SOX7: variants seen among roughly 807,000 people sequenced by gnomAD.
SOX7 encodes transcription factor SOX-7.
Under a neutral mutation model 24.9 loss-of-function variants are expected in SOX7, and 19 were observed. The ratio of observed to expected loss-of-function variants is 0.76; its 90% confidence interval spans 0.53 to 1.12. The LOEUF (loss-of-function observed/expected upper bound fraction) is 1.12. Among genes scored for constraint, SOX7 ranks in the 50% most tolerant of loss-of-function variants. SOX7 has a pLI of 0.00. For synonymous variants in SOX7, 327 were observed against 244.5 expected (o/e 1.34, Z -3.15); for missense variants, 702 against 535.0 (o/e 1.31, Z -3.08).
Position 10,730,355 on chromosome 8 carries a change from G to C in SOX7, c.79C>G (p.Gln27Glu). 2 of 1,566,658 alleles carry C rather than the reference G, an allele frequency of 1.3e-6. No homozygotes were observed. Among genetic ancestry groups the C allele is most frequent in the Non-Finnish European group, 1.7e-6 (2 of 1,160,534 alleles). Residue 27 changes from glutamine to glutamate, a missense_variant, in exon 1 of 2, where the codon CAA (glutamine) becomes GAA (glutamate). Physicochemically the swap from Gln to Glu is conservative, Grantham distance 29. Coordinates refer to ENST00000304501, the MANE Select transcript of SOX7 (RefSeq NM_031439.4). This position sits in a 1 kb window ranked among gnomAD's most constrained non-coding sequence, Gnocchi z 4.8. The stretch of plus-strand genomic sequence containing the variant: ...GGCCGGGGGACGGCCGGCGGCGATT[G>C]TCCATCCGACAGCTCGGCGTCCAGG... ...PALDAELSDG[Q>E]SPPAVPRPPG...
chr8:10,729,240 G>A lies in SOX7; in HGVS notation c.238+956C>T, dbSNP rs368147405. ...CTGAACTCCGACGAAAAAAGGAAGG[G>A]CTCTGTTCCGGACCGGGTGGGGTTT... is the stretch of plus-strand genomic sequence containing the variant. On this transcript the variant is annotated intron_variant, in intron 1 of 1. Transcript: ENST00000304501. 9 of 152,360 alleles carry A rather than the reference G, an allele frequency of 5.9e-5. No individual in the cohort carries two copies. In the East Asian group the frequency reaches 1.4e-3, roughly 23 times the overall value. The allele number at this position is 152,360 out of a possible 1,614,324, so 9.4% of individuals were successfully genotyped here. A position where few individuals can be genotyped will look rare whatever the true frequency, so the allele number is the denominator to read the frequency against.
rs779568475 is a variant in SOX7 at position 10,726,144 on chromosome 8, C to T, written c.761G>A (p.Ser254Asn). 7.5e-6 allele frequency: 12 copies of T among 1,592,702 alleles called. No homozygotes were observed. The highest frequency in any genetic ancestry group is 1.7e-5 in the Admixed American group (1 of 58,266). Residue 254 changes from serine to asparagine, a missense_variant, in exon 2 of 2, where the codon AGC becomes AAC. Physicochemically the swap from Ser to Asn is conservative, Grantham distance 46 (BLOSUM62 1). Transcript: ENST00000304501. Reference sequence around the variant, plus strand: ...AAGGGCCAGGGAGCCCAGGGGGTGGCTACAGTGGAGAGGGCTTGGGGCGTA... The same window carrying T: ...AAGGGCCAGGGAGCCCAGGGGGTGGTTACAGTGGAGAGGGCTTGGGGCGTA... ...PEYAPSPLHC[S>N]HPLGSLALGQ... is the part of the protein sequence containing the mutation.
Position 10,725,848 on chromosome 8 carries a change from C to G in SOX7, c.1057G>C (p.Gly353Arg), listed in dbSNP as rs779911952. Reference protein sequence around the residue: ...DSATGAMALSGHVPVSQVTPT... With the variant: ...DSATGAMALSRHVPVSQVTPT... ...GTCACCTGGGAGACCGGAACATGCC[C>G]ACTGAGGGCCATGGCCCCTGTGGCG... Residue 353 changes from glycine to arginine, a missense_variant, in exon 2 of 2, where the codon GGG becomes CGG. Physicochemically the swap from Gly to Arg is moderately radical, Grantham distance 125. Coordinates refer to ENST00000304501, the MANE Select transcript of SOX7 (RefSeq NM_031439.4). 1 of 1,614,222 alleles carries G rather than the reference C, an allele frequency of 6.2e-7. No homozygotes were observed. Among genetic ancestry groups the G allele is most frequent in the Non-Finnish European group, 8.5e-7 (1 of 1,180,044 alleles).
Position 10,725,179 on chromosome 8 carries a change from A to C in SOX7, c.*559T>G, listed in dbSNP as rs938305303. ...CTGGTTAATTTCTCAAATCAGGTTG[A>C]CTGTTTTTTCTCAAATTGTATGAGT... On this transcript the variant is annotated 3_prime_UTR_variant, in exon 2 of 2. Transcript: ENST00000304501. 6.5e-6 allele frequency: 1 copy of C among 154,338 alleles called. No individual in the cohort carries two copies. Among genetic ancestry groups the C allele is most frequent in the African/African-American group, 2.4e-5 (1 of 41,460 alleles). The allele number at this position is 154,338 out of a possible 1,614,324, so 9.6% of individuals were successfully genotyped here.
intron 1 of SOX7, among the ~76,000 whole-genome samples, chr8:10,727,913 T>C (rs1483249562): frequency 6.6e-6 from 1 of 152,212 alleles, no homozygotes; most frequent in East Asian, 1.9e-4. Context: ...AGTGCCTCCG[T>C]TGACTGGCTC....
At chr8:10,727,634 A>G (rs7005905) in intron 1 of SOX7, among the ~76,000 whole-genome samples, 96,390 of 152,068 alleles carry the variant, frequency 0.63, 31,399 homozygotes, top group African/African-American at 0.77. Context: ...AAGTTCCCGG[A>G]GCATCTTCCC....
chr8:10,729,054 G>T (rs1017828494), intron 1 of SOX7, among the ~76,000 whole-genome samples: 1 of 152,244 alleles, frequency 6.6e-6, no homozygotes, highest in Non-Finnish European at 1.5e-5. Flanking sequence ...CCACCAGGCT[G>T]GGCCCTTGGC....
rs773958206 is a variant in SOX7, at chr8:10,726,382, G to A, written c.523C>T (p.Arg175Trp). 1.9e-6 allele frequency: 3 copies of A among 1,612,462 alleles called. No homozygotes were observed. Among genetic ancestry groups the A allele is most frequent in the African/African-American group, 1.3e-5 (1 of 75,004 alleles). The change falls in exon 2 of 2, where the codon CGG (arginine) becomes TGG (tryptophan). Residue 175 changes from arginine to tryptophan, a missense_variant. Transcript: ENST00000304501. Reference sequence around the variant, plus strand: ...GCCGGCCCCTCGTGGTAGCAGCCCCGGAGGCTGGGCAGGGCAGTGCCGGGG... The same window carrying A: ...GCCGGCCCCTCGTGGTAGCAGCCCCAGAGGCTGGGCAGGGCAGTGCCGGGG... The part of the protein sequence containing the change: ...YSPGTALPSL[R>W]GCYHEGPAGG...
intron 1 of SOX7, among the ~76,000 whole-genome samples, chr8:10,728,209 A>T (rs1438182966): frequency 1.3e-5 from 2 of 152,192 alleles, no homozygotes; most frequent in Non-Finnish European, 1.5e-5. Context: ...ATGTACCTGG[A>T]TGTTATATAA....
In SOX7 at chr8:10,725,825, C is replaced by T; in HGVS notation, c.1080G>A (p.Val360=). ...ALSGHVPVSQ[V]TPTGPTETSL... The stretch of plus-strand genomic sequence containing the variant: ...TGGTCTCTGTGGGACCCGTTGGTGT[C>T]ACCTGGGAGACCGGAACATGCCCAC... The change falls in exon 2 of 2, where the codon GTG becomes GTA. Residue 360 remains valine (V), a synonymous_variant. Transcript: ENST00000304501. The T allele has an allele frequency of 6.2e-7, 1 of 1,614,204 alleles. No homozygotes were observed. The highest frequency in any genetic ancestry group is 8.5e-7 in the Non-Finnish European group (1 of 1,180,026).
intron 1 of SOX7, among the ~76,000 whole-genome samples, chr8:10,729,894 C>G (rs895587088): frequency 1.3e-5 from 2 of 152,100 alleles, no homozygotes; most frequent in African/African-American, 4.8e-5. Context: ...GGCGTCCTGG[C>G]CTGGCCGCTG....
Position 10,725,699 on chromosome 8 carries a change from A to G in SOX7, c.*39T>C. On this transcript the variant is annotated 3_prime_UTR_variant, in exon 2 of 2. Coordinates refer to ENST00000304501, the MANE Select transcript of SOX7 (RefSeq NM_031439.4). ...CTCTGCCACTCAAGGCACAAGAAGG[A>G]GAGGGCGCGAGGGCTGACCGGACGG... 2 of 1,609,040 alleles carry G rather than the reference A, an allele frequency of 1.2e-6. No homozygotes were observed. Among genetic ancestry groups the G allele is most frequent in the Non-Finnish European group, 1.7e-6 (2 of 1,176,414 alleles).
At position 10,726,374 on chromosome 8, in the gene SOX7, G is replaced by A. The variant is rs1388092448; in HGVS notation, c.531C>T (p.Cys177=). The A allele has an allele frequency of 2.5e-6, 4 of 1,612,672 alleles. No individual in the cohort carries two copies. The highest frequency in any genetic ancestry group is 3.4e-6 in the Non-Finnish European group (4 of 1,179,488). The change falls in exon 2 of 2, where the codon TGC becomes TGT. Residue 177 remains cysteine, a synonymous_variant. Coordinates refer to ENST00000304501, the MANE Select transcript of SOX7 (RefSeq NM_031439.4). ...PGTALPSLRG[C]YHEGPAGGGG... is the part of the protein sequence containing the mutation. ...CACCACCAGCCGGCCCCTCGTGGTA[G>A]CAGCCCCGGAGGCTGGGCAGGGCAG...
In SOX7 at chr8:10,730,499, G is replaced by C; in HGVS notation, c.-66C>G. The C allele has an allele frequency of 1.7e-6, 2 of 1,201,048 alleles. No homozygotes were observed. Among genetic ancestry groups the C allele is most frequent in the Non-Finnish European group, 1.1e-6 (1 of 920,426 alleles). 74.4% of individuals were successfully genotyped at this position (1,201,048 alleles called of 1,614,324 possible). A position where few individuals can be genotyped will look rare whatever the true frequency, so the allele number is the denominator to read the frequency against. ...CGCGGACCTGGCCCTCGCACGGGTC[G>C]GGGCGTCCAACTTGGCCCGCAGCCG... On this transcript the variant is annotated 5_prime_UTR_variant, in exon 1 of 2. Transcript: ENST00000304501. The surrounding 1 kb of genome is among the most constrained non-coding windows in gnomAD (Gnocchi z 4.8).
At position 10,730,325 on chromosome 8, in the gene SOX7, C is replaced by A. The variant is rs759035753; in HGVS notation, c.109G>T (p.Gly37Trp). 1 of 1,568,522 alleles carries A rather than the reference C, an allele frequency of 6.4e-7. No individual in the cohort carries two copies. The highest frequency in any genetic ancestry group is 8.6e-7 in the Non-Finnish European group (1 of 1,161,252). ...ATACGGCTCTCGGAGCCCTTGTCCC[C>A]CGGGGGCCGGGGGACGGCCGGCGGC... is the stretch of plus-strand genomic sequence containing the variant. Reference protein sequence around the residue: ...QSPPAVPRPPGDKGSESRIRR... With the variant: ...QSPPAVPRPPWDKGSESRIRR... The change falls in exon 1 of 2, where the codon GGG becomes TGG. Residue 37 changes from glycine (G) to tryptophan (W), a missense_variant. Gly to Trp is a radical substitution (Grantham distance 184). Transcript: ENST00000304501. The surrounding 1 kb of genome is among the most constrained non-coding windows in gnomAD (Gnocchi z 4.8).
intron 1 of SOX7, chr8:10,729,623 C>G (rs1333880721): frequency 6.6e-6 from 1 of 152,200 alleles, no homozygotes; most frequent in African/African-American, 2.4e-5. Flanking sequence ...CGAATCGAGT[C>G]TATTTGGGTA....
Position 10,725,625 on chromosome 8 carries a change from C to T in SOX7, c.*113G>A, listed in dbSNP as rs975211242. 9 of 1,174,940 alleles carry T rather than the reference C, an allele frequency of 7.7e-6. No homozygotes were observed. The highest frequency in any genetic ancestry group is 1.4e-5 in the South Asian group (1 of 70,114). The allele number at this position is 1,174,940 out of a possible 1,614,324, so 72.8% of individuals were successfully genotyped here. A position where few individuals can be genotyped will look rare whatever the true frequency, so the allele number is the denominator to read the frequency against. On this transcript the variant is annotated 3_prime_UTR_variant, in exon 2 of 2. Coordinates refer to ENST00000304501, the MANE Select transcript of SOX7 (RefSeq NM_031439.4). ...AAAGGCTCTGGGGCCGCAGTTCAGACCTCCCTGCCCTGAGCGGTGGGAGGA... is the reference window on the plus strand; with the variant it reads ...AAAGGCTCTGGGGCCGCAGTTCAGATCTCCCTGCCCTGAGCGGTGGGAGGA...
At chr8:10,726,711 G>A (rs775541564) in intron 1 of SOX7, 45 bp from the exon 2 acceptor site, 28 of 1,499,794 alleles carry the variant, frequency 1.9e-5, no homozygotes, top group Non-Finnish European at 2.5e-5. Context: ...GCTGTGCCCC[G>A]CAGGCATCGC....
At position 10,726,014 on chromosome 8, in the gene SOX7, T is replaced by C. The variant is rs1800141251; in HGVS notation, c.891A>G (p.Gln297=). 2.5e-6 allele frequency: 4 copies of C among 1,585,466 alleles called. No individual in the cohort carries two copies. The highest frequency in any genetic ancestry group is 3.4e-6 in the Non-Finnish European group (4 of 1,164,912). ...GCGGGGAAAGCTGGCCCAGGTGGGC[T>C]TGGAGGTTGGAGTGGAGTGGGTGGT... The part of the protein sequence containing the change: ...ATYHPLHSNL[Q]AHLGQLSPPP... Residue 297 remains glutamine (Q), a synonymous_variant, in exon 2 of 2, where the codon CAA becomes CAG. Transcript: ENST00000304501.
Sources: gnomAD v4.1 joint callset for allele counts (sites outside exome capture counted in the v4.1 genomes callset) on GRCh38, gnomAD v4.1.1 for gene constraint, Gnocchi (gnomAD v3.1) non-coding constraint, MANE v1.5 for transcripts, NCBI Gene and HGNC (gene_info 2026-07-23, HGNC 2026-07-21) for gene names.